Variants in PTPRD observed in about 807,000 individuals in gnomAD.
The protein encoded by PTPRD is receptor-type tyrosine-protein phosphatase delta.
Under a neutral mutation model 214.5 loss-of-function variants are expected in PTPRD, and 34 were observed. That is an observed-to-expected ratio of 0.16 (90% CI 0.12 to 0.21). The LOEUF (loss-of-function observed/expected upper bound fraction) is 0.21, where lower values mean the gene tolerates loss of function less well. Ranked by LOEUF, PTPRD falls within the 10% of genes least tolerant of loss-of-function variation. The probability of loss-of-function intolerance (pLI) is 1.00; values close to 1 mark genes in which losing one functional copy is unlikely to be tolerated. For synonymous variants in PTPRD, 1,128 were observed against 845.7 expected (o/e 1.33, Z -5.79); for missense variants, 2,545 against 2,398.7 (o/e 1.06, Z -1.27).
At chr9:10,586,144 C>A (rs1226884401) in intron 2 of PTPRD, among the ~76,000 whole-genome samples, 1 of 151,956 alleles carries the variant, frequency 6.6e-6, no homozygotes, top group Non-Finnish European at 1.5e-5. Context: ...AAAAATTTTT[C>A]TGAGAATCCT....
chr9:8,574,813 G>A (rs2092027253), intron 14 of PTPRD, among the ~76,000 whole-genome samples: 2 of 151,978 alleles, frequency 1.3e-5, no homozygotes, highest in African/African-American at 4.8e-5. Flanking sequence ...ACTCACTGCT[G>A]AACTCCAAAC....
intron 2 of PTPRD, among the ~76,000 whole-genome samples, chr9:10,545,628 G>C (rs1461910495): frequency 6.6e-6 from 1 of 152,068 alleles, no homozygotes; most frequent in Admixed American, 6.6e-5. Flanking sequence ...TATGCATATA[G>C]ACCAAGAGAA....
rs141569672 is a variant in PTPRD, at chr9:8,427,628, T to C, written c.4086+8964A>G. Among the ~76,000 whole-genome samples, 702 of 152,234 alleles carry C rather than the reference T, an allele frequency of 4.6e-3. 2 individuals are homozygous for C. The highest frequency in any genetic ancestry group is 7.1e-3 in the Non-Finnish European group (485 of 68,020). On this transcript the variant is annotated intron_variant, in intron 35 of 45. Transcript: ENST00000381196. ...AAGTGATAATTGCACTGGTTTAAAC[T>C]AGCAAGTTTCCATTTCTTTCAGTCT... is the stretch of plus-strand genomic sequence containing the variant.
rs182506557 is a variant in PTPRD, at chr9:10,449,120, G to A, written c.-599-108103C>T. Among the ~76,000 whole-genome samples the A allele has an allele frequency of 1.8e-3, 272 of 151,058 alleles. 4 individuals are homozygous for A. Among genetic ancestry groups the A allele is most frequent in the African/African-American group, 5.9e-3 (241 of 40,542 alleles). On this transcript the variant is annotated intron_variant, in intron 2 of 45. Transcript: ENST00000381196. Reference sequence around the variant, plus strand: ...GGCTGGACTGTACTGCCGCCATCTCGGCTCACTGCAACCTCCCTGCCTGAT... The same window carrying A: ...GGCTGGACTGTACTGCCGCCATCTCAGCTCACTGCAACCTCCCTGCCTGAT...
chr9:9,142,037 A>T (rs2099861341), intron 10 of PTPRD, among the ~76,000 whole-genome samples: 1 of 152,238 alleles, frequency 6.6e-6, no homozygotes, highest in Non-Finnish European at 1.5e-5. Context: ...TCCATTAGGA[A>T]ATTAAAACTG....
At chr9:9,120,704 T>A (rs2099816799) in intron 10 of PTPRD, among the ~76,000 whole-genome samples, 1 of 152,226 alleles carries the variant, frequency 6.6e-6, no homozygotes, top group Non-Finnish European at 1.5e-5. Context: ...AGATTTGAAG[T>A]AGCACCTGTA....
At chr9:10,509,672 T>C (rs1032013231) in intron 2 of PTPRD, among the ~76,000 whole-genome samples, 2 of 150,248 alleles carry the variant, frequency 1.3e-5, no homozygotes, top group Non-Finnish European at 3.0e-5. Flanking sequence ...TTGTCTCTAC[T>C]GCACTCTTAC....
intron 7 of PTPRD, among the ~76,000 whole-genome samples, chr9:9,639,085 A>G (rs1481412256): frequency 6.6e-6 from 1 of 152,186 alleles, no homozygotes; most frequent in East Asian, 1.9e-4. Context: ...AATTCAAACC[A>G]TAGCAAATCT....
intron 3 of PTPRD, among the ~76,000 whole-genome samples, chr9:10,179,229 A>C (rs1370414149): frequency 6.6e-6 from 1 of 151,468 alleles, no homozygotes; most frequent in Non-Finnish European, 1.5e-5. Context: ...ACTTTGAGCC[A>C]GGAATGCTTT....
At chr9:10,346,216 C>T (rs1194205709) in intron 2 of PTPRD, among the ~76,000 whole-genome samples, 2 of 152,118 alleles carry the variant, frequency 1.3e-5, no homozygotes, top group Non-Finnish European at 2.9e-5. Flanking sequence ...AAAACATATT[C>T]CCTAGCTCTT....
At chr9:10,325,640 A>C (rs1037215779) in intron 3 of PTPRD, among the ~76,000 whole-genome samples, 1 of 151,952 alleles carries the variant, frequency 6.6e-6, no homozygotes, top group African/African-American at 2.4e-5. Context: ...TGAGGCATTA[A>C]AAATGTTTAA....
intron 44 of PTPRD, among the ~76,000 whole-genome samples, chr9:8,322,762 ACAT>A (rs1829708628): frequency 6.6e-6 from 1 of 152,198 alleles, no homozygotes; most frequent in Non-Finnish European, 1.5e-5. Context: ...ATGTAGACAA[ACAT>A]CATTATATTG....
chr9:10,419,961 T>G (rs1587811990), intron 2 of PTPRD, among the ~76,000 whole-genome samples: 1 of 151,814 alleles, frequency 6.6e-6, no homozygotes, highest in Non-Finnish European at 1.5e-5. Context: ...TCAACTTTAC[T>G]AGGCATAGAT....
At chr9:9,720,720 T>C (rs552471308) in intron 7 of PTPRD, among the ~76,000 whole-genome samples, 6 of 152,206 alleles carry the variant, frequency 3.9e-5, no homozygotes, top group South Asian at 4.1e-4. Context: ...CTATTCACAA[T>C]AGCAAAGATA....
At chr9:9,192,342 T>C (rs987131109) in intron 9 of PTPRD, among the ~76,000 whole-genome samples, 2 of 152,042 alleles carry the variant, frequency 1.3e-5, no homozygotes, top group East Asian at 3.9e-4. Context: ...CTTGTGACAA[T>C]ACAGTGAAGC....
chr9:9,783,555 C>A (rs1359588393), intron 5 of PTPRD, among the ~76,000 whole-genome samples: 1 of 152,024 alleles, frequency 6.6e-6, no homozygotes, highest in Admixed American at 6.6e-5. Context: ...ATAATTAAAC[C>A]AAGATGTACA....
At chr9:8,850,521 T>C (rs1349422986) in intron 11 of PTPRD, among the ~76,000 whole-genome samples, 2 of 152,126 alleles carry the variant, frequency 1.3e-5, no homozygotes, top group Non-Finnish European at 2.9e-5. Flanking sequence ...TTTATTCCTC[T>C]AGAAAAACAT....
At chr9:10,350,725 C>G (rs1435557884) in intron 2 of PTPRD, among the ~76,000 whole-genome samples, 1 of 152,154 alleles carries the variant, frequency 6.6e-6, no homozygotes, top group Non-Finnish European at 1.5e-5. Flanking sequence ...CACAACCTCT[C>G]AAAACAATAA....
At chr9:10,415,305 T>TAC (rs934665845) in intron 2 of PTPRD, among the ~76,000 whole-genome samples, 65 of 151,710 alleles carry the variant, frequency 4.3e-4, no homozygotes, top group East Asian at 9.8e-4. Context: ...GAATGTCTTA[T>TAC]ACACACACAC....
Sources: allele counts gnomAD v4.1 joint callset (sites outside exome capture counted in the v4.1 genomes callset), GRCh38; gene constraint gnomAD v4.1.1; transcripts MANE v1.5; gene names NCBI Gene and HGNC (gene_info 2026-07-23, HGNC 2026-07-21).